Variants in SPP1 observed in about 807,000 individuals in gnomAD.
SPP1 encodes secreted phosphoprotein 1.
Under a neutral mutation model 20.8 loss-of-function variants are expected in SPP1, and 18 were observed. The ratio of observed to expected loss-of-function variants is 0.87; its 90% CI spans 0.60 to 1.29. The LOEUF (loss-of-function observed/expected upper bound fraction) is 1.29. Ranked by LOEUF, SPP1 falls within the 50% of genes most tolerant of loss-of-function variation. The probability of loss-of-function intolerance (pLI) is 0.00; values close to 1 mark genes in which losing one functional copy is unlikely to be tolerated. For missense variants in SPP1, 363 were observed against 389.0 expected, an observed-to-expected ratio of 0.93 and a Z score of 0.56; for synonymous variants, 146 against 141.5, an observed-to-expected ratio of 1.03 and a Z score of -0.23.
intron 5 of SPP1, 135 bp from the exon 6 acceptor site, chr4:87,981,340 A>T (rs1393991440): frequency 5.5e-6 from 4 of 722,496 alleles, no homozygotes; most frequent in Admixed American, 6.4e-5. Flanking sequence ...AGCTCCTAAA[A>T]GCCATGGTAT....
At position 87,981,475 on chromosome 4, in the gene SPP1, A is replaced by G; in HGVS notation, c.217A>G (p.Thr73Ala). The change falls in exon 6 of 7, where the codon ACC becomes GCC. Residue 73 changes from threonine (T) to alanine (A), a missense_variant and splice_region_variant. Coordinates refer to ENST00000395080, the MANE Select transcript of SPP1 (RefSeq NM_001040058.2). ...TTTTCCCGGCCATCTTAATTTTCAG[A>G]CCCTTCCAAGTAAGTCCAACGAAAG... ...SEETNDFKQE[T>A]LPSKSNESHD... 6.2e-7 allele frequency: 1 copy of G among 1,612,304 alleles called. No homozygotes were observed.
chr4:87,978,532 G>A (rs958314098), intron 3 of SPP1, among the ~76,000 whole-genome samples: 4 of 151,064 alleles, frequency 2.6e-5, no homozygotes, highest in Non-Finnish European at 1.5e-5. Context: ...ACAGGCGCCC[G>A]CCACCACGCC....
intron 6 of SPP1, 43 bp from the exon 7 acceptor site, chr4:87,982,449 C>G (rs756599546): frequency 2.5e-6 from 4 of 1,585,090 alleles, no homozygotes; most frequent in Non-Finnish European, 2.6e-6. Flanking sequence ...ATTCCCATCC[C>G]TAGCCGTTCA....
chr4:87,982,632 G>A lies in SPP1; in HGVS notation c.681G>A (p.Thr227=), dbSNP rs766686993. ...GCCGTGGGAAGGACAGTTATGAAAC[G>A]AGTCAGCTGGATGACCAGAGTGCTG... ...WDSRGKDSYE[T]SQLDDQSAET... Residue 227 remains threonine (T), a synonymous_variant, in exon 7 of 7, where the codon ACG becomes ACA. Transcript: ENST00000395080. 7 of 1,613,974 alleles carry A rather than the reference G, an allele frequency of 4.3e-6. No individual in the cohort carries two copies. The highest frequency in any genetic ancestry group is 5.9e-6 in the Non-Finnish European group (7 of 1,180,044).
At chr4:87,979,161 C>CTTTTTT (rs10596032) in intron 3 of SPP1, among the ~76,000 whole-genome samples, 2 of 107,256 alleles carry the variant, frequency 1.9e-5, no homozygotes, top group Non-Finnish European at 1.8e-5. Flanking sequence ...TTTTTATCTT[C>CTTTTTT]TTTTTTTTTT....
chr4:87,980,177 C>T (rs1201610986), intron 4 of SPP1, 51 bp downstream of exon 4: 1 of 1,601,540 alleles, frequency 6.2e-7, no homozygotes, highest in Admixed American at 1.7e-5. Flanking sequence ...GATAGCCACA[C>T]TCAGGCCATT....
In SPP1 at chr4:87,981,563, C is replaced by T; in HGVS notation, c.305C>T (p.Ser102Phe). The change falls in exon 6 of 7, where the codon TCC (serine) becomes TTC (phenylalanine). Residue 102 changes from serine to phenylalanine, a missense_variant. Coordinates refer to ENST00000395080, the MANE Select transcript of SPP1 (RefSeq NM_001040058.2). ...GATGACCATGTGGACAGCCAGGACT[C>T]CATTGACTCGAACGACTCTGATGAT... is the stretch of plus-strand genomic sequence containing the variant. ...DDDDHVDSQD[S>F]IDSNDSDDVD... 10 of 1,614,114 alleles carry T rather than the reference C, an allele frequency of 6.2e-6. No individual in the cohort carries two copies. The highest frequency in any genetic ancestry group is 8.5e-6 in the Non-Finnish European group (10 of 1,179,984).
At chr4:87,981,383 A>G in intron 5 of SPP1, 92 bp from the exon 6 acceptor site, 1 of 1,195,100 alleles carries the variant, frequency 8.4e-7, no homozygotes, top group East Asian at 2.4e-5. Flanking sequence ...GAAACTAAAT[A>G]AAAAGAAAGA....
Position 87,976,783 on chromosome 4 carries a change from A to G in SPP1, c.-14-99A>G, listed in dbSNP as rs12331948. On this transcript the variant is annotated intron_variant, in intron 1 of 6. Coordinates refer to ENST00000395080, the MANE Select transcript of SPP1 (RefSeq NM_001040058.2). ...AAGTAGAAAAGATTCTATAGAAAAT[A>G]TATTTTATTTGTGATCATTTTGTAA... 638 of 745,952 alleles carry G rather than the reference A, an allele frequency of 8.6e-4. 2 individuals are homozygous for G. In the African/African-American group the frequency reaches 0.01, roughly 12 times the overall value. The allele number at this position is 745,952 out of a possible 1,614,324, so 46.2% of individuals were successfully genotyped here.
intron 3 of SPP1, 68 bp from the exon 4 acceptor site, chr4:87,979,978 T>C (rs902914665): frequency 4.0e-6 from 6 of 1,487,956 alleles, no homozygotes; most frequent in Non-Finnish European, 5.6e-6. Flanking sequence ...TAGTGAAGAA[T>C]GGTTGTTTTT....
At chr4:87,977,734 A>G (rs987813731) in intron 3 of SPP1, 88 of 1,283,668 alleles carry the variant, frequency 6.9e-5, no homozygotes, top group Non-Finnish European at 8.2e-5. Flanking sequence ...CATTGTCCCC[A>G]GAAGCTTGGA....
At chr4:87,981,076 CT>C (rs1236663615) in intron 5 of SPP1, among the ~76,000 whole-genome samples, 3 of 152,136 alleles carry the variant, frequency 2.0e-5, no homozygotes, top group Non-Finnish European at 4.4e-5. Flanking sequence ...TATGGATACT[CT>C]TCTCTTTTGA....
intron 3 of SPP1, chr4:87,977,604 C>A: frequency 1.9e-6 from 2 of 1,045,076 alleles, no homozygotes; most frequent in Non-Finnish European, 2.4e-6. Context: ...GATGTTAGAT[C>A]ACATTTTCTA....
At position 87,981,748 on chromosome 4, in the gene SPP1, GT is replaced by G; in HGVS notation, c.493del (p.Tyr165MetfsTer3). 1 of 1,614,174 alleles carries G rather than the reference GT, an allele frequency of 6.2e-7. No homozygotes were observed. Among genetic ancestry groups the G allele is most frequent in the Non-Finnish European group, 8.5e-7 (1 of 1,180,022 alleles). On this transcript the variant is annotated frameshift_variant, in exon 6 of 7. Coordinates refer to ENST00000395080, the MANE Select transcript of SPP1 (RefSeq NM_001040058.2). LOFTEE classifies it low-confidence loss of function (END_TRUNC). ...DTYDGRGDSV[V>X]YGLRSKSKKF... ...ATATGATGGCCGAGGTGATAGTGTG[GT>G]TTATGGACTGAGGTCAAAATCTAAG...
intron 6 of SPP1, 152 bp from the exon 7 acceptor site, chr4:87,982,340 G>C (rs1725682100): frequency 1.1e-6 from 1 of 872,864 alleles, no homozygotes; most frequent in Non-Finnish European, 1.7e-6. Context: ...CCTTGGTAAA[G>C]TACTATACAA....
chr4:87,976,900 G>C lies in SPP1; in HGVS notation c.5G>C (p.Arg2Thr). The C allele has an allele frequency of 6.2e-7, 1 of 1,613,192 alleles. No homozygotes were observed. The highest frequency in any genetic ancestry group is 8.5e-7 in the Non-Finnish European group (1 of 1,179,192). The change falls in exon 2 of 7, where the codon AGA becomes ACA. Residue 2 changes from arginine (R) to threonine (T), a missense_variant. Arg to Thr is a moderately conservative substitution (Grantham distance 71, BLOSUM62 -1). Transcript: ENST00000395080. ...TTTGCAGGAAAACTCACTACCATGA[G>C]AATTGCAGTGATTTGCTTTTGCCTC... M[R>T]IAVICFCLLG...
intron 1 of SPP1, among the ~76,000 whole-genome samples, chr4:87,976,658 T>C (rs1190694234): frequency 1.3e-5 from 2 of 152,196 alleles, no homozygotes; most frequent in Admixed American, 1.3e-4. Context: ...ACTTGCAAAA[T>C]TTCCCTTTCC....
chr4:87,976,903 T>C lies in SPP1; in HGVS notation c.8T>C (p.Ile3Thr). The part of the protein sequence containing the change: MR[I>T]AVICFCLLGI... ...GCAGGAAAACTCACTACCATGAGAA[T>C]TGCAGTGATTTGCTTTTGCCTCCTA... Residue 3 changes from isoleucine to threonine, a missense_variant, in exon 2 of 7, where the codon ATT becomes ACT. Transcript: ENST00000395080. 2 of 1,613,458 alleles carry C rather than the reference T, an allele frequency of 1.2e-6. No individual in the cohort carries two copies.
chr4:87,977,389 A>G (rs1410663706), intron 3 of SPP1, among the ~76,000 whole-genome samples: 1 of 152,172 alleles, frequency 6.6e-6, no homozygotes, highest in Admixed American at 6.5e-5. Context: ...CTTTTTTTCC[A>G]TTAGTCCACA....
Sources: allele counts gnomAD v4.1 joint callset (sites outside exome capture counted in the v4.1 genomes callset), GRCh38; gene constraint gnomAD v4.1.1; transcripts MANE v1.5; gene names NCBI Gene and HGNC (gene_info 2026-07-23, HGNC 2026-07-21).